The following RFTN1 variants were observed in gnomAD, a reference collection of about 807,000 sequenced individuals.
The protein encoded by RFTN1 is raftlin.
In RFTN1, 26 loss-of-function variants were observed where a neutral mutation model predicts 46.5. The ratio of observed to expected loss-of-function variants is 0.56; its 90% confidence interval spans 0.41 to 0.78. The LOEUF is 0.78. Ranked by LOEUF, RFTN1 falls within the 30% of genes least tolerant of loss-of-function variation. The probability of loss-of-function intolerance (pLI) is 0.00; values close to 1 mark genes in which losing one functional copy is unlikely to be tolerated. For missense variants in RFTN1, 693 were observed against 718.7 expected (o/e 0.96, Z 0.41); for synonymous variants, 261 against 284.2 (o/e 0.92, Z 0.82).
Position 16,504,970 on chromosome 3 carries a change from G to A in RFTN1, c.-9+8472C>T, listed in dbSNP as rs2076777993. Reference sequence around the variant, plus strand: ...AGGCCCAAAACCCCAGTATCAGCCTGCTCCCGCCACCATCCTCACCCTGAC... The same window carrying A: ...AGGCCCAAAACCCCAGTATCAGCCTACTCCCGCCACCATCCTCACCCTGAC... On this transcript the variant is annotated intron_variant, in intron 1 of 9. Transcript: ENST00000334133. The surrounding 1 kb of genome is among the most constrained non-coding windows in gnomAD (Gnocchi z 4.4). Among the ~76,000 whole-genome samples the A allele has an allele frequency of 6.6e-6, 1 of 152,120 alleles. No homozygotes were observed. The highest frequency in any genetic ancestry group is 2.4e-5 in the African/African-American group (1 of 41,422).
At chr3:16,491,788 A>C (rs1301627608) in intron 2 of RFTN1, among the ~76,000 whole-genome samples, 4 of 152,116 alleles carry the variant, frequency 2.6e-5, no homozygotes, top group Admixed American at 1.3e-4. Context: ...CAAAAAAAAA[A>C]AACAACTGCA....
chr3:16,331,133 C>T (rs1331746860), intron 7 of RFTN1, among the ~76,000 whole-genome samples: 3 of 152,192 alleles, frequency 2.0e-5, no homozygotes, highest in East Asian at 3.8e-4. Context: ...TGCCTCTATT[C>T]CTGACATCCA....
Position 16,475,668 on chromosome 3 carries a change from C to T in RFTN1, c.145+18057G>A, listed in dbSNP as rs903137233. On this transcript the variant is annotated intron_variant, in intron 2 of 9. Coordinates refer to ENST00000334133, the MANE Select transcript of RFTN1 (RefSeq NM_015150.2). This position sits in a 1 kb window ranked among gnomAD's most constrained non-coding sequence, Gnocchi z 4.2. ...TCCAAGAGTAAAAATCAATGGAAAA[C>T]TAAAGCAACTAACAGACACACAGAG... is the stretch of plus-strand genomic sequence containing the variant. Among the ~76,000 whole-genome samples the T allele has an allele frequency of 2.0e-5, 3 of 152,178 alleles. No individual in the cohort carries two copies. Among genetic ancestry groups the T allele is most frequent in the African/African-American group, 7.2e-5 (3 of 41,446 alleles).
chr3:16,431,083 C>A (rs1023275820), intron 3 of RFTN1, among the ~76,000 whole-genome samples: 1 of 152,132 alleles, frequency 6.6e-6, no homozygotes, highest in Non-Finnish European at 1.5e-5. Flanking sequence ...GTAGTAACAG[C>A]CCCTCATTGT....
intron 4 of RFTN1, among the ~76,000 whole-genome samples, chr3:16,379,815 A>G (rs1388974483): frequency 6.6e-6 from 1 of 152,246 alleles, no homozygotes; most frequent in East Asian, 1.9e-4. Context: ...AAGCTCCTAA[A>G]AGAAGGCACA....
In RFTN1 at chr3:16,351,220, G is replaced by A. The variant is rs1277927269; in HGVS notation, c.1146+6712C>T. 1.3e-5 allele frequency among the ~76,000 whole-genome samples: 2 copies of A among 152,192 alleles called. No homozygotes were observed. The highest frequency in any genetic ancestry group is 2.9e-5 in the Non-Finnish European group (2 of 68,040). On this transcript the variant is annotated intron_variant, in intron 7 of 9. Coordinates refer to ENST00000334133, the MANE Select transcript of RFTN1 (RefSeq NM_015150.2). The surrounding 1 kb of genome is among the most constrained non-coding windows in gnomAD (Gnocchi z 5.4). ...CCACTGCAGAATGGTTTGGGTTAGT[G>A]TCAGGCACTGGTGGAGAGATTCCTG...
chr3:16,450,071 C>T lies in RFTN1; in HGVS notation c.146-16034G>A, dbSNP rs1298188656. On this transcript the variant is annotated intron_variant, in intron 2 of 9. Coordinates refer to ENST00000334133, the MANE Select transcript of RFTN1 (RefSeq NM_015150.2). This position sits in a 1 kb window ranked among gnomAD's most constrained non-coding sequence, Gnocchi z 4.6. The stretch of plus-strand genomic sequence containing the variant: ...GAAGACATGTCACCCCCATCCTGAC[C>T]ACTCTCCATGCCTGTCTTAAATCCA... Among the ~76,000 whole-genome samples, 3 of 152,176 alleles carry T rather than the reference C, an allele frequency of 2.0e-5. No individual in the cohort carries two copies. The highest frequency in any genetic ancestry group is 7.2e-5 in the African/African-American group (3 of 41,442).
intron 4 of RFTN1, among the ~76,000 whole-genome samples, chr3:16,392,777 T>C (rs1365322698): frequency 6.6e-6 from 1 of 152,070 alleles, no homozygotes; most frequent in African/African-American, 2.4e-5. Flanking sequence ...GTATGAAGCA[T>C]TAACAGGTGA....
At chr3:16,420,552 T>C (rs1490449726) in intron 3 of RFTN1, among the ~76,000 whole-genome samples, 2 of 152,198 alleles carry the variant, frequency 1.3e-5, no homozygotes, top group Non-Finnish European at 2.9e-5. Flanking sequence ...ATGTTCCACA[T>C]TAAACTTTGC....
chr3:16,364,477 G>T (rs1230634148), intron 6 of RFTN1, among the ~76,000 whole-genome samples: 3 of 152,082 alleles, frequency 2.0e-5, no homozygotes, highest in Non-Finnish European at 4.4e-5. Context: ...GAGGCACCGG[G>T]GGTAGGTGCT....
rs930097815 is a variant in RFTN1 at position 16,382,955 on chromosome 3, C to T, written c.442-4853G>A. 2.0e-5 allele frequency among the ~76,000 whole-genome samples: 3 copies of T among 152,188 alleles called. No individual in the cohort carries two copies. Among genetic ancestry groups the T allele is most frequent in the African/African-American group, 2.4e-5 (1 of 41,442 alleles). On this transcript the variant is annotated intron_variant, in intron 4 of 9. Transcript: ENST00000334133. This position sits in a 1 kb window ranked among gnomAD's most constrained non-coding sequence, Gnocchi z 4.7. ...CCATGGAGCTCCCCACAGACTCCCA[C>T]GCATGCCCACAACATCTCTAACAAC... is the stretch of plus-strand genomic sequence containing the variant.
chr3:16,412,203 G>C (rs1419776996), intron 3 of RFTN1, among the ~76,000 whole-genome samples: 1 of 152,224 alleles, frequency 6.6e-6, no homozygotes, highest in Non-Finnish European at 1.5e-5. Flanking sequence ...CATATTGGGG[G>C]AATAGGTGAG....
rs548776306 is a variant in RFTN1, at chr3:16,463,148, T to C, written c.146-29111A>G. Among the ~76,000 whole-genome samples the C allele has an allele frequency of 1.2e-4, 18 of 152,358 alleles. No individual in the cohort carries two copies. In the East Asian group the frequency reaches 3.3e-3, roughly 28 times the overall value. ...CTATGCTTTTTCTTTTTATTTATTA[T>C]GCTTGGAGTTTGTACAACTTCTTGA... On this transcript the variant is annotated intron_variant, in intron 2 of 9. Transcript: ENST00000334133.
At chr3:16,389,077 A>C (rs539610309) in intron 4 of RFTN1, among the ~76,000 whole-genome samples, 2 of 152,376 alleles carry the variant, frequency 1.3e-5, no homozygotes, top group South Asian at 4.1e-4. Flanking sequence ...CTGCTTTAAC[A>C]TCCAGTATTC....
At chr3:16,369,275 C>T (rs1404503805) in intron 6 of RFTN1, among the ~76,000 whole-genome samples, 2 of 152,214 alleles carry the variant, frequency 1.3e-5, no homozygotes, top group East Asian at 3.8e-4. Context: ...CAACAACACA[C>T]GGCGCTGTTG....
chr3:16,465,651 C>T lies in RFTN1; in HGVS notation c.145+28074G>A, dbSNP rs1176555095. On this transcript the variant is annotated intron_variant, in intron 2 of 9. Coordinates refer to ENST00000334133, the MANE Select transcript of RFTN1 (RefSeq NM_015150.2). The surrounding 1 kb of genome is among the most constrained non-coding windows in gnomAD (Gnocchi z 5.1). ...TTAGCCCCCATGTCAATTACGGATGCTAAAAATTTCAGAATTATAAGATCA... is the reference window on the plus strand; with the variant it reads ...TTAGCCCCCATGTCAATTACGGATGTTAAAAATTTCAGAATTATAAGATCA... Among the ~76,000 whole-genome samples the T allele has an allele frequency of 6.6e-6, 1 of 152,088 alleles. No homozygotes were observed. Among genetic ancestry groups the T allele is most frequent in the Non-Finnish European group, 1.5e-5 (1 of 68,020 alleles).
intron 4 of RFTN1, among the ~76,000 whole-genome samples, chr3:16,379,176 T>C (rs2073893932): frequency 1.3e-5 from 2 of 152,080 alleles, no homozygotes; most frequent in Admixed American, 1.3e-4. Flanking sequence ...CATTTGAGAG[T>C]CAGTTTTGCC....
chr3:16,385,984 T>G lies in RFTN1; in HGVS notation c.442-7882A>C, dbSNP rs748127603. Reference sequence around the variant, plus strand: ...GCAAGACCCCCAGGCTTCCATTAAATGCTGCTGCACACCCACAAGGAAACT... The same window carrying G: ...GCAAGACCCCCAGGCTTCCATTAAAGGCTGCTGCACACCCACAAGGAAACT... On this transcript the variant is annotated intron_variant, in intron 4 of 9. Transcript: ENST00000334133. The surrounding 1 kb of genome is among the most constrained non-coding windows in gnomAD (Gnocchi z 5.0). 3.3e-5 allele frequency among the ~76,000 whole-genome samples: 5 copies of G among 152,254 alleles called. No individual in the cohort carries two copies. The highest frequency in any genetic ancestry group is 4.8e-5 in the African/African-American group (2 of 41,474).
chr3:16,484,470 C>T lies in RFTN1; in HGVS notation c.145+9255G>A, dbSNP rs942878509. ...AGTATGAGCCTGGTCAGCACAATGTCGAAGAAAACATCCCGAAAATCAGTT... is the reference window on the plus strand; with the variant it reads ...AGTATGAGCCTGGTCAGCACAATGTTGAAGAAAACATCCCGAAAATCAGTT... On this transcript the variant is annotated intron_variant, in intron 2 of 9. Transcript: ENST00000334133. The surrounding 1 kb of genome is among the most constrained non-coding windows in gnomAD (Gnocchi z 4.6). Among the ~76,000 whole-genome samples, 2 of 152,096 alleles carry T rather than the reference C, an allele frequency of 1.3e-5. No individual in the cohort carries two copies. The highest frequency in any genetic ancestry group is 2.9e-5 in the Non-Finnish European group (2 of 68,040).
Sources: gnomAD v4.1 joint callset for allele counts (sites outside exome capture counted in the v4.1 genomes callset) on GRCh38, gnomAD v4.1.1 for gene constraint, Gnocchi (gnomAD v3.1) non-coding constraint, MANE v1.5 for transcripts, NCBI Gene and HGNC (gene_info 2026-07-23, HGNC 2026-07-21) for gene names.